Variants in HTR4 observed in about 807,000 individuals in gnomAD.
HTR4 encodes the protein 5-hydroxytryptamine receptor 4, also known as 5-hydroxytryptamine (serotonin) receptor 4, G protein-coupled.
Under a neutral mutation model 36.8 loss-of-function variants are expected in HTR4, and 16 were observed. The observed-to-expected ratio is 0.43, with a 90% CI of 0.29 to 0.66. The LOEUF (loss-of-function observed/expected upper bound fraction) is 0.66, where lower values mean the gene tolerates loss of function less well. HTR4 is among the 30% of genes least tolerant of loss of function. The pLI, the probability that HTR4 is intolerant of heterozygous loss-of-function variation, is 0.13. For missense variants in HTR4, 438 were observed against 490.9 expected, an observed-to-expected ratio of 0.89 and a Z score of 1.02; for synonymous variants, 189 against 185.1, an observed-to-expected ratio of 1.02 and a Z score of -0.17.
intron 2 of HTR4, among the ~76,000 whole-genome samples, chr5:148,602,236 A>T (rs1023585423): frequency 3.3e-5 from 5 of 152,186 alleles, no homozygotes; most frequent in African/African-American, 1.2e-4. Flanking sequence ...TCACGGGTGT[A>T]TACTTACTCC....
intron 2 of HTR4, among the ~76,000 whole-genome samples, chr5:148,569,955 A>C (rs1760608924): frequency 6.6e-6 from 1 of 152,082 alleles, no homozygotes; most frequent in Non-Finnish European, 1.5e-5. Flanking sequence ...TGTTTAACTG[A>C]AGAATAAGGA....
intron 5 of HTR4, among the ~76,000 whole-genome samples, chr5:148,455,838 GA>G (rs1755089680): frequency 6.6e-6 from 1 of 152,044 alleles, no homozygotes; most frequent in Non-Finnish European, 1.5e-5. Flanking sequence ...TCATAAATAA[GA>G]GAGCATATAT....
intron 5 of HTR4, among the ~76,000 whole-genome samples, chr5:148,455,383 A>T (rs1166392713): frequency 6.6e-6 from 1 of 152,220 alleles, no homozygotes; most frequent in Non-Finnish European, 1.5e-5. Context: ...GACATCTGTG[A>T]CCACGTAAAA....
chr5:148,620,081 T>G (rs529165135), intron 2 of HTR4, among the ~76,000 whole-genome samples: 3 of 152,162 alleles, frequency 2.0e-5, no homozygotes, highest in African/African-American at 7.2e-5. Context: ...AGAGACTCCA[T>G]CCTTGAGGGC....
At position 148,483,202 on chromosome 5, in the gene HTR4, C is replaced by T. The variant is rs749484929; in HGVS notation, c.*1G>A. 6 of 1,613,850 alleles carry T rather than the reference C, an allele frequency of 3.7e-6. No homozygotes were observed. The highest frequency in any genetic ancestry group is 5.1e-6 in the Non-Finnish European group (6 of 1,179,926). ...GTCTTCTGGGTCATTGTCCCAGGGG[C>T]CTAAGTGTCACTGGGCTGAGCAGCC... On this transcript the variant is annotated 3_prime_UTR_variant, in exon 7 of 7. Transcript: ENST00000377888.
downstream of HTR4, among the ~76,000 whole-genome samples, chr5:148,477,144 TGTC>T (rs1327839113): frequency 1.3e-5 from 2 of 152,176 alleles, no homozygotes; most frequent in Non-Finnish European, 2.9e-5. Flanking sequence ...TGAAAGATAA[TGTC>T]AGTTGTAGAA....
At chr5:148,465,479 A>G (rs913844927) in intron 5 of HTR4, among the ~76,000 whole-genome samples, 2 of 152,148 alleles carry the variant, frequency 1.3e-5, no homozygotes, top group Non-Finnish European at 2.9e-5. Context: ...GGAGTCCACC[A>G]CTTACAGCCA....
intron 2 of HTR4, among the ~76,000 whole-genome samples, chr5:148,565,876 T>A: frequency 6.6e-6 from 1 of 152,194 alleles, no homozygotes; most frequent in Non-Finnish European, 1.5e-5. Context: ...TAAAGGAGGC[T>A]CATTTGGAAA....
chr5:148,535,464 C>T (rs1329293119), intron 4 of HTR4, among the ~76,000 whole-genome samples: 1 of 152,018 alleles, frequency 6.6e-6, no homozygotes, highest in Non-Finnish European at 1.5e-5. Context: ...TGGCAAAACC[C>T]AATCCAAGGA....
chr5:148,600,494 G>T (rs1452673680), intron 2 of HTR4, among the ~76,000 whole-genome samples: 2 of 151,156 alleles, frequency 1.3e-5, no homozygotes, highest in East Asian at 3.9e-4. Context: ...AAATGTTGGA[G>T]CTAAGAAAGG....
intron 2 of HTR4, among the ~76,000 whole-genome samples, chr5:148,573,438 A>C (rs1211396756): frequency 6.6e-6 from 1 of 152,078 alleles, no homozygotes; most frequent in African/African-American, 2.4e-5. Flanking sequence ...AGAAAGATGG[A>C]GTGGTCACCA....
intron 5 of HTR4, among the ~76,000 whole-genome samples, chr5:148,513,344 G>A (rs543300219): frequency 6.6e-6 from 1 of 152,222 alleles, no homozygotes; most frequent in South Asian, 2.1e-4. Context: ...TGTATGGTAT[G>A]ATGTACAAGA....
intron 2 of HTR4, among the ~76,000 whole-genome samples, chr5:148,600,238 A>G (rs1007619805): frequency 6.7e-6 from 1 of 148,700 alleles, no homozygotes; most frequent in African/African-American, 2.4e-5. Context: ...ATAAGGACAA[A>G]TAAAATATGA....
intron 4 of HTR4, among the ~76,000 whole-genome samples, chr5:148,540,400 GTATATATATATA>G (rs56021250): frequency 0.11 from 8,238 of 74,314 alleles, 564 homozygotes; most frequent in South Asian, 0.22. Flanking sequence ...TTATGTGTGT[GTATATATATATA>G]TATATATATA....
chr5:148,528,589 G>T (rs1187757755), intron 4 of HTR4, among the ~76,000 whole-genome samples: 1 of 152,140 alleles, frequency 6.6e-6, no homozygotes, highest in Middle Eastern at 3.2e-3. Context: ...TTGAGTTCTA[G>T]TGTTAACCGA....
At position 148,482,675 on chromosome 5, in the gene HTR4, AC is replaced by A; in HGVS notation, c.*527del. The A allele has an allele frequency of 1.0e-6, 1 of 1,000,954 alleles. No individual in the cohort carries two copies. The highest frequency in any genetic ancestry group is 1.0e-4 in the East Asian group (1 of 9,956). 62.0% of individuals were successfully genotyped at this position (1,000,954 alleles called of 1,614,324 possible). On this transcript the variant is annotated 3_prime_UTR_variant, in exon 7 of 7. Coordinates refer to ENST00000377888, the MANE Select transcript of HTR4 (RefSeq NM_000870.7). ...AAAGTGTGTTAGCGTCTGGCACAGAACAGGGCGAAGAAGAGGCAGGGGATAG... is the reference window on the plus strand; with the variant it reads ...AAAGTGTGTTAGCGTCTGGCACAGAAAGGGCGAAGAAGAGGCAGGGGATAG...
intron 4 of HTR4, among the ~76,000 whole-genome samples, chr5:148,535,589 C>A (rs942456367): frequency 6.6e-6 from 1 of 152,174 alleles, no homozygotes; most frequent in Non-Finnish European, 1.5e-5. Context: ...TTTCTCAATG[C>A]ATTCAGAAAT....
intron 4 of HTR4, among the ~76,000 whole-genome samples, chr5:148,540,812 G>A (rs1759084598): frequency 6.6e-6 from 1 of 152,022 alleles, no homozygotes; most frequent in African/African-American, 2.4e-5. Context: ...GTTTCCAAAG[G>A]AAAGAGGGGA....
intron 4 of HTR4, among the ~76,000 whole-genome samples, chr5:148,531,803 G>A (rs1384915982): frequency 6.6e-6 from 1 of 152,064 alleles, no homozygotes; most frequent in Non-Finnish European, 1.5e-5. Context: ...TCTGAAGAGA[G>A]CTTTTACATC....
Sources: gnomAD v4.1 joint callset for allele counts (sites outside exome capture counted in the v4.1 genomes callset) on GRCh38, gnomAD v4.1.1 for gene constraint, MANE v1.5 for transcripts, NCBI Gene and HGNC (gene_info 2026-07-23, HGNC 2026-07-21) for gene names.